TUBA4A: variants seen among roughly 807,000 people sequenced by gnomAD.
The protein encoded by TUBA4A is tubulin alpha 4a.
A neutral mutation model predicts 34.3 loss-of-function variants in TUBA4A; 23 were observed. That is an observed-to-expected ratio of 0.67 (90% CI 0.48 to 0.95). TUBA4A has a LOEUF of 0.95. Among genes scored for constraint, TUBA4A ranks in the 40% least tolerant of loss-of-function variants. The pLI is 0.00. For missense variants in TUBA4A, 279 were observed against 599.0 expected (o/e 0.47, Z 5.58); for synonymous variants, 216 against 230.5 (o/e 0.94, Z 0.57).
Position 219,251,993 on chromosome 2 carries a change from C to T in TUBA4A, c.226+15G>A. ...ATGCTCCACCCCCTTCAATTTTGTCCCCACTTCCTCTCACCAATGACCGTA... is the reference window on the plus strand; with the variant it reads ...ATGCTCCACCCCCTTCAATTTTGTCTCCACTTCCTCTCACCAATGACCGTA... On this transcript the variant is annotated intron_variant, in intron 2 of 3. Coordinates refer to ENST00000248437, the MANE Select transcript of TUBA4A (RefSeq NM_006000.3). This position sits in a 1 kb window ranked among gnomAD's most constrained non-coding sequence, Gnocchi z 6.1. 6.2e-7 allele frequency: 1 copy of T among 1,613,028 alleles called. No individual in the cohort carries two copies. The highest frequency in any genetic ancestry group is 2.2e-5 in the East Asian group (1 of 44,866).
Position 219,252,132 on chromosome 2 carries a change from C to G in TUBA4A, c.102G>C (p.Gly34=). 1 of 1,614,198 alleles carries G rather than the reference C, an allele frequency of 6.2e-7. No individual in the cohort carries two copies. Among genetic ancestry groups the G allele is most frequent in the Non-Finnish European group, 8.5e-7 (1 of 1,180,030 alleles). The change falls in exon 2 of 4, where the codon GGG becomes GGC. Residue 34 remains glycine, a synonymous_variant. Coordinates refer to ENST00000248437, the MANE Select transcript of TUBA4A (RefSeq NM_006000.3). This position sits in a 1 kb window ranked among gnomAD's most constrained non-coding sequence, Gnocchi z 4.1. ...CAATGGTCTTGTCACTGGGCATCTGCCCATCAGGCTGAATCCCATGTTCCA... is the reference window on the plus strand; with the variant it reads ...CAATGGTCTTGTCACTGGGCATCTGGCCATCAGGCTGAATCCCATGTTCCA... ...YCLEHGIQPD[G]QMPSDKTIGG... is the part of the protein sequence containing the mutation.
Position 219,250,296 on chromosome 2 carries a change from GT to G in TUBA4A, c.*55del. 6.5e-7 allele frequency: 1 copy of G among 1,549,702 alleles called. No individual in the cohort carries two copies. Among genetic ancestry groups the G allele is most frequent in the Non-Finnish European group, 8.7e-7 (1 of 1,147,784 alleles). On this transcript the variant is annotated 3_prime_UTR_variant, in exon 4 of 4. Coordinates refer to ENST00000248437, the MANE Select transcript of TUBA4A (RefSeq NM_006000.3). The surrounding 1 kb of genome is among the most constrained non-coding windows in gnomAD (Gnocchi z 8.4). ...GAACAAGAAACCGTGCAAGGAAACT[GT>G]TTATTTCGAAAGGATTTTGCAATAA...
At chr2:219,253,133 G>C in intron 1 of TUBA4A, 6 of 1,500,038 alleles carry the variant, frequency 4.0e-6, no homozygotes, top group Non-Finnish European at 5.4e-6. Flanking sequence ...AGCCCAAAGC[G>C]GGGATTGGGT....
chr2:219,253,287 G>A (rs1574886893), intron 1 of TUBA4A: 3 of 1,505,528 alleles, frequency 2.0e-6, no homozygotes, highest in East Asian at 2.5e-5. Context: ...GAGAGGGCCA[G>A]CTCGCTTCAG....
At position 219,253,256 on chromosome 2, in the gene TUBA4A, C is replaced by G. The variant is rs2125071237; in HGVS notation, c.3+600G>C. On this transcript the variant is annotated intron_variant, in intron 1 of 3. Transcript: ENST00000248437. The stretch of plus-strand genomic sequence containing the variant: ...TCAGCGCCAGCTGTCTCTGCCCATC[C>G]GCGCACCCGGGCTTCGGCTGGAGAG... 9 of 1,493,180 alleles carry G rather than the reference C, an allele frequency of 6.0e-6. No individual in the cohort carries two copies. The South Asian group carries it at 7.9e-5, about 13-fold the overall frequency. The allele number at this position is 1,493,180 out of a possible 1,614,324, so 92.5% of individuals were successfully genotyped here.
intron 1 of TUBA4A, chr2:219,253,443 T>C: frequency 6.7e-7 from 1 of 1,486,282 alleles, no homozygotes; most frequent in South Asian, 1.2e-5. Flanking sequence ...TTCCACCTTC[T>C]AGCGCCAAGC....
At position 219,250,085 on chromosome 2, in the gene TUBA4A, A is replaced by T. The variant is rs908608350; in HGVS notation, c.*267T>A. The T allele has an allele frequency of 3.5e-5, 15 of 434,490 alleles. No homozygotes were observed. The highest frequency in any genetic ancestry group is 5.3e-5 in the Non-Finnish European group (13 of 243,702). 26.9% of individuals were successfully genotyped at this position (434,490 alleles called of 1,614,324 possible). Reference sequence around the variant, plus strand: ...AGTTTGTGCCTGGATTTTGGTCCTCATTTCCTCCCTATACTGAGTAACCCT... The same window carrying T: ...AGTTTGTGCCTGGATTTTGGTCCTCTTTTCCTCCCTATACTGAGTAACCCT... On this transcript the variant is annotated 3_prime_UTR_variant, in exon 4 of 4. Transcript: ENST00000248437. The surrounding 1 kb of genome is among the most constrained non-coding windows in gnomAD (Gnocchi z 8.4).
chr2:219,253,559 TC>T, intron 1 of TUBA4A: 1 of 778,230 alleles, frequency 1.3e-6, no homozygotes, highest in Non-Finnish European at 2.2e-6. Context: ...CGCGTGACTC[TC>T]ATACAGAGTC....
intron 1 of TUBA4A, chr2:219,253,358 G>GGA: frequency 6.5e-7 from 1 of 1,528,146 alleles, no homozygotes. Flanking sequence ...GAGTCACGGG[G>GGA]GGGGGGTGGT....
rs1951652065 is a variant in TUBA4A at position 219,251,760 on chromosome 2, C to A, written c.227-47G>T. 2 of 1,582,994 alleles carry A rather than the reference C, an allele frequency of 1.3e-6. No individual in the cohort carries two copies. Among genetic ancestry groups the A allele is most frequent in the South Asian group, 2.3e-5 (2 of 87,456 alleles). ...AGCTATGCTCAGCAGGGACCTTCCT[C>A]CCCCAGGGTGGTAGCTGTGGCCAGA... On this transcript the variant is annotated intron_variant, in intron 2 of 3. Coordinates refer to ENST00000248437, the MANE Select transcript of TUBA4A (RefSeq NM_006000.3). This position sits in a 1 kb window ranked among gnomAD's most constrained non-coding sequence, Gnocchi z 6.1.
In TUBA4A at chr2:219,250,294, C is replaced by G; in HGVS notation, c.*58G>C. The G allele has an allele frequency of 6.5e-7, 1 of 1,546,742 alleles. No individual in the cohort carries two copies. Among genetic ancestry groups the G allele is most frequent in the Non-Finnish European group, 8.7e-7 (1 of 1,146,622 alleles). On this transcript the variant is annotated 3_prime_UTR_variant, in exon 4 of 4. Transcript: ENST00000248437. This position sits in a 1 kb window ranked among gnomAD's most constrained non-coding sequence, Gnocchi z 8.4. Reference sequence around the variant, plus strand: ...GGGAACAAGAAACCGTGCAAGGAAACTGTTTATTTCGAAAGGATTTTGCAA... The same window carrying G: ...GGGAACAAGAAACCGTGCAAGGAAAGTGTTTATTTCGAAAGGATTTTGCAA...
upstream of TUBA4A, chr2:219,253,922 A>G (rs1951691228): frequency 1.6e-6 from 2 of 1,280,580 alleles, no homozygotes; most frequent in Non-Finnish European, 2.0e-6. Context: ...GAACTGCGCT[A>G]GCTGCAGTGC....
At position 219,252,762 on chromosome 2, in the gene TUBA4A, A is replaced by C. The variant is rs776378221; in HGVS notation, c.4-532T>G. ...CTCCTCTCCCCACCTCCACCCCCGC[A>C]CCCTGGGTGTCTTCACCACTTTCAT... On this transcript the variant is annotated intron_variant, in intron 1 of 3. Transcript: ENST00000248437. This position sits in a 1 kb window ranked among gnomAD's most constrained non-coding sequence, Gnocchi z 4.1. 1 of 470,894 alleles carries C rather than the reference A, an allele frequency of 2.1e-6. No individual in the cohort carries two copies. Among genetic ancestry groups the C allele is most frequent in the Non-Finnish European group, 4.4e-6 (1 of 227,410 alleles). The allele number at this position is 470,894 out of a possible 1,614,324, so 29.2% of individuals were successfully genotyped here.
At position 219,251,505 on chromosome 2, in the gene TUBA4A, AAT is replaced by A; in HGVS notation, c.375+58_375+59del. On this transcript the variant is annotated intron_variant, in intron 3 of 3. Coordinates refer to ENST00000248437, the MANE Select transcript of TUBA4A (RefSeq NM_006000.3). This position sits in a 1 kb window ranked among gnomAD's most constrained non-coding sequence, Gnocchi z 6.1. ...GACCTCCTGAAAGGATCTGAAAAAA[AAT>A]ATTCCTGACCATTAGCACAGTCTCA... 1 of 1,576,558 alleles carries A rather than the reference AAT, an allele frequency of 6.3e-7. No individual in the cohort carries two copies. The highest frequency in any genetic ancestry group is 8.6e-7 in the Non-Finnish European group (1 of 1,157,790).
chr2:219,251,046 T>C lies in TUBA4A; in HGVS notation c.653A>G (p.Asp218Gly). ...GTTGGTGTAGGTTGGGCGCTCGATGTCTAGGTTGCGGCGGCAGATGTCATA... is the reference window on the plus strand; with the variant it reads ...GTTGGTGTAGGTTGGGCGCTCGATGCCTAGGTTGCGGCGGCAGATGTCATA... ...AIYDICRRNL[D>G]IERPTYTNLN... The change falls in exon 4 of 4, where the codon GAC becomes GGC. Residue 218 changes from aspartate to glycine, a missense_variant. By Grantham distance (94) the Asp-to-Gly change is moderately conservative. Transcript: ENST00000248437. The surrounding 1 kb of genome is among the most constrained non-coding windows in gnomAD (Gnocchi z 6.1). The C allele has an allele frequency of 6.2e-7, 1 of 1,614,118 alleles. No homozygotes were observed. Among genetic ancestry groups the C allele is most frequent in the Non-Finnish European group, 8.5e-7 (1 of 1,180,012 alleles).
rs759049795 is a variant in TUBA4A, at chr2:219,250,634, G to T, written c.1065C>A (p.Ile355=). The change falls in exon 4 of 4, where the codon ATC becomes ATA. Residue 355 remains isoleucine (I), a synonymous_variant. Transcript: ENST00000248437. The surrounding 1 kb of genome is among the most constrained non-coding windows in gnomAD (Gnocchi z 8.4). ...GCACCACAGTGGGAGGCTGGTAGTT[G>T]ATACCAACCTTGAAGCCTGTGGGGC... ...DWCPTGFKVG[I]NYQPPTVVPG... The T allele has an allele frequency of 2.0e-5, 33 of 1,614,152 alleles. No individual in the cohort carries two copies. The highest frequency in any genetic ancestry group is 2.5e-5 in the Non-Finnish European group (29 of 1,180,056).
chr2:219,253,150 C>T (rs1951675755), intron 1 of TUBA4A: 2 of 1,523,514 alleles, frequency 1.3e-6, no homozygotes, highest in Non-Finnish European at 1.8e-6. Context: ...GGGTTTCGGC[C>T]CCCGCTCCTG....
In TUBA4A at chr2:219,250,317, C is replaced by T. The variant is rs778275983; in HGVS notation, c.*35G>A. 1 of 1,569,412 alleles carries T rather than the reference C, an allele frequency of 6.4e-7. No homozygotes were observed. The highest frequency in any genetic ancestry group is 1.9e-5 in the Admixed American group (1 of 53,542). On this transcript the variant is annotated 3_prime_UTR_variant, in exon 4 of 4. Coordinates refer to ENST00000248437, the MANE Select transcript of TUBA4A (RefSeq NM_006000.3). The surrounding 1 kb of genome is among the most constrained non-coding windows in gnomAD (Gnocchi z 8.4). Reference sequence around the variant, plus strand: ...AACTGTTTATTTCGAAAGGATTTTGCAATAAACATAGTGAATAGGCTCCAG... The same window carrying T: ...AACTGTTTATTTCGAAAGGATTTTGTAATAAACATAGTGAATAGGCTCCAG...
intron 1 of TUBA4A, among the ~76,000 whole-genome samples, 172 bp downstream of exon 1, chr2:219,253,684 C>G (rs1951686990): frequency 6.6e-6 from 1 of 152,196 alleles, no homozygotes; most frequent in South Asian, 2.1e-4. Context: ...GTGAACTATA[C>G]GGCTCGGCCA....
Sources: allele counts gnomAD v4.1 joint callset (sites outside exome capture counted in the v4.1 genomes callset), GRCh38; gene constraint gnomAD v4.1.1; non-coding constraint Gnocchi (gnomAD v3.1); transcripts MANE v1.5; gene names NCBI Gene and HGNC (gene_info 2026-07-23, HGNC 2026-07-21).